Variants in SNURF observed in about 807,000 individuals in gnomAD.
SNURF encodes SNURF protein.
SNURF carries 6 observed loss-of-function variants against 11.6 expected under a neutral mutation model. The ratio of observed to expected loss-of-function variants is 0.52; its 90% CI spans 0.28 to 1.02. SNURF has a LOEUF of 1.02. Ranked by LOEUF, SNURF falls within the 50% of genes least tolerant of loss-of-function variation. The pLI is 0.09. For synonymous variants in SNURF, 29 were observed against 31.6 expected (o/e 0.92, Z 0.27); for missense variants, 84 against 88.4 (o/e 0.95, Z 0.20).
downstream of SNURF, among the ~76,000 whole-genome samples, chr15:24,970,317 C>T (rs183865232): frequency 3.9e-5 from 6 of 152,296 alleles, no homozygotes; most frequent in East Asian, 7.7e-4. Context: ...TGGTGGCTCA[C>T]GCCTGTCATC....
chr15:24,961,005 C>T (rs188286221), intron 1 of SNURF, among the ~76,000 whole-genome samples: 4 of 152,122 alleles, frequency 2.6e-5, no homozygotes, highest in Admixed American at 6.5e-5. Flanking sequence ...AGAAACTTAG[C>T]TGTATGTTAA....
At chr15:24,969,885 T>C (rs993725835), downstream of SNURF, among the ~76,000 whole-genome samples, 1 of 152,240 alleles carries the variant, frequency 6.6e-6, no homozygotes, top group African/African-American at 2.4e-5. Flanking sequence ...TATGTTATCT[T>C]TGGCCACATT....
chr15:24,977,066 A>G, intron 6 of SNURF: 1 of 1,502,644 alleles, frequency 6.7e-7, no homozygotes, highest in Middle Eastern at 2.0e-4. Flanking sequence ...TTATTGGGAG[A>G]ATATGACTAA....
At chr15:24,963,581 C>G (rs2075174630) in intron 2 of SNURF, among the ~76,000 whole-genome samples, 1 of 150,092 alleles carries the variant, frequency 6.7e-6, no homozygotes, top group Admixed American at 6.6e-5. Flanking sequence ...CACCACTGCA[C>G]TCTAGCCTGG....
intron 5 of SNURF, among the ~76,000 whole-genome samples, chr15:24,976,718 A>T (rs1001422157): frequency 9.2e-5 from 14 of 152,248 alleles, no homozygotes; most frequent in Admixed American, 9.2e-4. Flanking sequence ...TATACACAAG[A>T]TACCTCCATG....
chr15:24,975,018 A>G (rs781761136), intron 3 of SNURF: 27 of 702,030 alleles, frequency 3.8e-5, no homozygotes, highest in Non-Finnish European at 6.2e-5. Context: ...CATTAACAGT[A>G]CAGAGAAAAG....
At chr15:24,957,585 A>G (rs948541522) in intron 1 of SNURF, among the ~76,000 whole-genome samples, 1 of 152,138 alleles carries the variant, frequency 6.6e-6, no homozygotes, top group Non-Finnish European at 1.5e-5. Flanking sequence ...TTTTCCCTCT[A>G]TCATAACTGG....
At chr15:24,959,972 G>A (rs1005819548) in intron 1 of SNURF, among the ~76,000 whole-genome samples, 5 of 152,140 alleles carry the variant, frequency 3.3e-5, no homozygotes, top group Admixed American at 2.6e-4. Context: ...ATAATAGAAA[G>A]AACATGAACT....
intron 2 of SNURF, among the ~76,000 whole-genome samples, chr15:24,963,242 T>C (rs989583259): frequency 2.6e-5 from 4 of 152,262 alleles, no homozygotes; most frequent in South Asian, 2.1e-4. Flanking sequence ...AACATTATTA[T>C]TGTAATCGTT....
chr15:24,976,228 C>G, intron 4 of SNURF: 2 of 1,115,012 alleles, frequency 1.8e-6, no homozygotes, highest in Non-Finnish European at 2.7e-6. Context: ...TTAATTGATA[C>G]TTGAGGTTGT....
At chr15:24,970,874 G>C (rs1009892778), downstream of SNURF, among the ~76,000 whole-genome samples, 15 of 151,938 alleles carry the variant, frequency 9.9e-5, no homozygotes, top group Admixed American at 7.2e-4. Flanking sequence ...TTTTTAATTG[G>C]AATTATTGTG....
chr15:24,960,940 C>A (rs1293848632), intron 1 of SNURF, among the ~76,000 whole-genome samples: 1 of 152,096 alleles, frequency 6.6e-6, no homozygotes, highest in Non-Finnish European at 1.5e-5. Flanking sequence ...CTTTGCCTCT[C>A]CCTACCTTCT....
intron 1 of SNURF, among the ~76,000 whole-genome samples, chr15:24,956,410 G>A (rs2062904105): frequency 6.6e-6 from 1 of 152,094 alleles, no homozygotes; most frequent in South Asian, 2.1e-4. Context: ...GGCAGGTGGT[G>A]TGTGTTCAGC....
At chr15:24,957,650 G>A (rs997508737) in intron 1 of SNURF, among the ~76,000 whole-genome samples, 1 of 152,158 alleles carries the variant, frequency 6.6e-6, no homozygotes, top group African/African-American at 2.4e-5. Flanking sequence ...TACGAAGCCC[G>A]AAAAGCCTTG....
exon 3 of SNURF, chr15:24,968,011 T>G (rs2075902295): frequency 6.2e-7 from 1 of 1,613,966 alleles, no homozygotes; most frequent in African/African-American, 1.3e-5. Flanking sequence ...GCAGGCATTC[T>G]TAGCTGAGAC....
chr15:24,976,623 G>C (rs2077089906), intron 5 of SNURF, among the ~76,000 whole-genome samples: 1 of 152,190 alleles, frequency 6.6e-6, no homozygotes, highest in Non-Finnish European at 1.5e-5. Flanking sequence ...GCATTACCTA[G>C]GTAAGGGTAG....
intron 1 of SNURF, among the ~76,000 whole-genome samples, chr15:24,955,878 C>G (rs532774253): frequency 2.0e-5 from 3 of 151,566 alleles, no homozygotes; most frequent in Admixed American, 2.0e-4. Context: ...GGCCGCGGGG[C>G]CTGTCGCTGT....
At chr15:24,958,499 T>G (rs1368663639) in intron 1 of SNURF, among the ~76,000 whole-genome samples, 3 of 133,056 alleles carry the variant, frequency 2.3e-5, no homozygotes, top group South Asian at 2.7e-4. Flanking sequence ...TTTTTTTTTT[T>G]TTTTTTTTTT....
At chr15:24,959,555 G>A (rs1231897006) in intron 1 of SNURF, among the ~76,000 whole-genome samples, 6 of 152,176 alleles carry the variant, frequency 3.9e-5, no homozygotes, top group East Asian at 1.9e-4. Flanking sequence ...AGCAACTGCC[G>A]AATGGGTTCT....
Sources: allele counts gnomAD v4.1 joint callset (sites outside exome capture counted in the v4.1 genomes callset), GRCh38; gene constraint gnomAD v4.1.1; transcripts MANE v1.5; gene names NCBI Gene and HGNC (gene_info 2026-07-23, HGNC 2026-07-21).